The following NDUFS4 variants were observed in gnomAD, a reference collection of about 807,000 sequenced individuals.
NDUFS4 encodes the protein NADH:ubiquinone oxidoreductase subunit S4.
A neutral mutation model predicts 24.3 loss-of-function variants in NDUFS4; 28 were observed. The ratio of observed to expected loss-of-function variants is 1.15; its 90% CI spans 0.85 to 1.58. The LOEUF is 1.58. Among genes scored for constraint, NDUFS4 ranks in the 40% most tolerant of loss-of-function variants. The pLI, the probability that NDUFS4 is intolerant of heterozygous loss-of-function variation, is 0.00. For missense variants in NDUFS4, 223 were observed against 207.9 expected (o/e 1.07, Z -0.45); for synonymous variants, 93 against 69.7 (o/e 1.34, Z -1.67).
chr5:53,572,156 G>T lies in NDUFS4; in HGVS notation c.98+11396G>T, dbSNP rs73754258. 7.3e-3 allele frequency among the ~76,000 whole-genome samples: 1,107 copies of T among 152,298 alleles called. 13 individuals are homozygous for T. Among genetic ancestry groups the T allele is most frequent in the African/African-American group, 0.025 (1,056 of 41,564 alleles). ...GGGAGAAATATGATAGAACAAAGGGGATTTGGTATATGGTAATAAGCTGGG... is the reference window on the plus strand; with the variant it reads ...GGGAGAAATATGATAGAACAAAGGGTATTTGGTATATGGTAATAAGCTGGG... On this transcript the variant is annotated intron_variant, in intron 1 of 4. Coordinates refer to ENST00000296684, the MANE Select transcript of NDUFS4 (RefSeq NM_002495.4).
At chr5:53,580,529 T>A (rs1749525784) in intron 1 of NDUFS4, among the ~76,000 whole-genome samples, 2 of 152,226 alleles carry the variant, frequency 1.3e-5, no homozygotes, top group African/African-American at 4.8e-5. Flanking sequence ...CCATGAATTC[T>A]AGGTGCATAG....
intron 4 of NDUFS4, among the ~76,000 whole-genome samples, chr5:53,673,057 A>G (rs147013564): frequency 7.9e-4 from 120 of 152,298 alleles, no homozygotes; most frequent in African/African-American, 2.8e-3. Flanking sequence ...TTGCTGGGCA[A>G]AGCAGTACAA....
chr5:53,630,862 C>T (rs1751390615), intron 2 of NDUFS4, among the ~76,000 whole-genome samples: 1 of 152,094 alleles, frequency 6.6e-6, no homozygotes, highest in South Asian at 2.1e-4. Context: ...TTATTACCCA[C>T]CTTCTAAAGC....
At chr5:53,569,171 T>C (rs1322559583) in intron 1 of NDUFS4, among the ~76,000 whole-genome samples, 2 of 152,162 alleles carry the variant, frequency 1.3e-5, no homozygotes, top group African/African-American at 4.8e-5. Flanking sequence ...CTCTTCAATA[T>C]ACTTACAGGA....
At chr5:53,580,809 CT>C (rs1579831561) in intron 1 of NDUFS4, among the ~76,000 whole-genome samples, 2 of 134,644 alleles carry the variant, frequency 1.5e-5, no homozygotes, top group East Asian at 4.3e-4. Context: ...CTTTCTTTCC[CT>C]TTCTTTTCTT....
intron 1 of NDUFS4, among the ~76,000 whole-genome samples, chr5:53,580,717 T>TTTCCTTTC: frequency 1.6e-5 from 2 of 125,270 alleles, no homozygotes; most frequent in Middle Eastern, 4.6e-3. Flanking sequence ...CCTTTCCTTT[T>TTTCCTTTC]CCTTTTCCTT....
Position 53,603,497 on chromosome 5 carries a change from A to G in NDUFS4, c.144A>G (p.Gln48=), listed in dbSNP as rs760818714. Residue 48 remains glutamine (Q), a synonymous_variant, in exon 2 of 5, where the codon CAA becomes CAG. Coordinates refer to ENST00000296684, the MANE Select transcript of NDUFS4 (RefSeq NM_002495.4). ...GGAGATTGGCACAGGACCAGACTCAAGACACACAACTCATAACAGTTGATG... is the reference window on the plus strand; with the variant it reads ...GGAGATTGGCACAGGACCAGACTCAGGACACACAACTCATAACAGTTGATG... The part of the protein sequence containing the change: ...STWRLAQDQT[Q]DTQLITVDEK... The G allele has an allele frequency of 1.3e-5, 21 of 1,614,014 alleles. 1 individual carries two copies. The East Asian group carries it at 4.7e-4, about 36-fold the overall frequency.
chr5:53,642,941 ATTAG>A (rs1042246425), intron 2 of NDUFS4, among the ~76,000 whole-genome samples: 3 of 152,126 alleles, frequency 2.0e-5, no homozygotes, highest in Non-Finnish European at 2.9e-5. Context: ...TCATTGACTT[ATTAG>A]TTATCATTTA....
intron 4 of NDUFS4, among the ~76,000 whole-genome samples, chr5:53,662,664 A>G (rs1296325584): frequency 1.3e-5 from 2 of 152,092 alleles, no homozygotes; most frequent in African/African-American, 4.8e-5. Flanking sequence ...TTATTGCCTC[A>G]ATTTCAGAGC....
chr5:53,570,603 A>G (rs1749177374), intron 1 of NDUFS4, among the ~76,000 whole-genome samples: 1 of 151,552 alleles, frequency 6.6e-6, no homozygotes, highest in South Asian at 2.1e-4. Flanking sequence ...GAGTGGTTGT[A>G]CCATTTTGCT....
intron 3 of NDUFS4, among the ~76,000 whole-genome samples, chr5:53,653,149 AT>A (rs1752065914): frequency 7.0e-6 from 1 of 142,016 alleles, no homozygotes; most frequent in Admixed American, 6.9e-5. Context: ...TCTGTGTTAA[AT>A]TTTAAAAATG....
intron 2 of NDUFS4, among the ~76,000 whole-genome samples, chr5:53,611,244 C>G (rs2112466910): frequency 6.7e-6 from 1 of 149,360 alleles, no homozygotes; most frequent in East Asian, 2.0e-4. Context: ...GTATCAACAA[C>G]ATGTATCTTA....
chr5:53,671,571 C>T (rs191817652), intron 4 of NDUFS4, among the ~76,000 whole-genome samples: 1 of 152,176 alleles, frequency 6.6e-6, no homozygotes, highest in African/African-American at 2.4e-5. Flanking sequence ...AGACGAATAT[C>T]ATCTGGGGTT....
Position 53,655,368 on chromosome 5 carries a change from T to A in NDUFS4, c.351-3183T>A, listed in dbSNP as rs866478892. ...AACAACATAGATTAGTTTTGCCTAT[T>A]TTTTTTTTTTTTTTTTTACTTAAAG... is the stretch of plus-strand genomic sequence containing the variant. On this transcript the variant is annotated intron_variant, in intron 3 of 4. Transcript: ENST00000296684. Among the ~76,000 whole-genome samples the A allele has an allele frequency of 4.3e-4, 58 of 134,958 alleles. 1 individual carries two copies. Among genetic ancestry groups the A allele is most frequent in the African/African-American group, 1.7e-3 (52 of 31,434 alleles). 88.5% of individuals were successfully genotyped at this position (134,958 alleles called of 152,430 possible). A position where few individuals can be genotyped will look rare whatever the true frequency, so the allele number is the denominator to read the frequency against.
chr5:53,614,431 A>T (rs1468578815), intron 2 of NDUFS4, among the ~76,000 whole-genome samples: 1 of 152,004 alleles, frequency 6.6e-6, no homozygotes, highest in Non-Finnish European at 1.5e-5. Context: ...TTTAAGGAAC[A>T]AAAGATCTTT....
intron 3 of NDUFS4, among the ~76,000 whole-genome samples, chr5:53,656,593 G>A (rs1752166520): frequency 6.6e-6 from 1 of 152,130 alleles, no homozygotes; most frequent in African/African-American, 2.4e-5. Flanking sequence ...AAAACAATTA[G>A]CAACCTGATT....
intron 4 of NDUFS4, 48 bp downstream of exon 4, chr5:53,658,672 C>A (rs371644264): frequency 7.4e-6 from 11 of 1,495,650 alleles, no homozygotes; most frequent in Non-Finnish European, 1.0e-5. Context: ...ATTTTATGTT[C>A]TTAACCTTAA....
chr5:53,672,724 G>A (rs1453728446), intron 4 of NDUFS4, among the ~76,000 whole-genome samples: 1 of 152,024 alleles, frequency 6.6e-6, no homozygotes, highest in Admixed American at 6.5e-5. Context: ...TGTAGCAAGA[G>A]TGTTAATTTG....
intron 2 of NDUFS4, among the ~76,000 whole-genome samples, chr5:53,624,259 G>GT (rs1751150109): frequency 6.6e-6 from 1 of 152,142 alleles, no homozygotes; most frequent in African/African-American, 2.4e-5. Flanking sequence ...TAGCTTTGTA[G>GT]TAAGTTTTAA....
Sources: gnomAD v4.1 joint callset for allele counts (sites outside exome capture counted in the v4.1 genomes callset) on GRCh38, gnomAD v4.1.1 for gene constraint, MANE v1.5 for transcripts, NCBI Gene and HGNC (gene_info 2026-07-23, HGNC 2026-07-21) for gene names.